The following PPAN variants were observed in gnomAD, a reference collection of about 807,000 sequenced individuals.
PPAN encodes suppressor of SWI4 1 homolog.
A neutral mutation model predicts 48.5 loss-of-function variants in PPAN; 39 were observed. That is an observed-to-expected ratio of 0.80 (90% CI 0.62 to 1.05). The LOEUF (loss-of-function observed/expected upper bound fraction) is 1.05. Ranked by LOEUF, PPAN falls within the 50% of genes least tolerant of loss-of-function variation. The pLI is 0.00. For missense variants in PPAN, 736 were observed against 661.7 expected, an observed-to-expected ratio of 1.11 and a Z score of -1.23; for synonymous variants, 315 against 268.6, an observed-to-expected ratio of 1.17 and a Z score of -1.69.
At chr19:10,107,263 CT>C (rs1157829509) in intron 2 of PPAN, among the ~76,000 whole-genome samples, 1 of 152,188 alleles carries the variant, frequency 6.6e-6, no homozygotes, top group African/African-American at 2.4e-5. Context: ...ATGCAAGTTA[CT>C]TAACCTCTCT....
At chr19:10,106,801 G>T in intron 2 of PPAN, 130 bp downstream of exon 2, 1 of 1,377,896 alleles carries the variant, frequency 7.3e-7, no homozygotes. Context: ...CCCTCATGGG[G>T]AGCATCATTT....
In PPAN at chr19:10,111,366, G is replaced by A. The variant is rs1052449990; in HGVS notation, c.*201G>A. The A allele has an allele frequency of 1.7e-5, 12 of 712,934 alleles. No individual in the cohort carries two copies. Among genetic ancestry groups the A allele is most frequent in the South Asian group, 1.2e-4 (6 of 51,158 alleles). The allele number at this position is 712,934 out of a possible 1,614,324, so 44.2% of individuals were successfully genotyped here. A position where few individuals can be genotyped will look rare whatever the true frequency, so the allele number is the denominator to read the frequency against. On this transcript the variant is annotated 3_prime_UTR_variant, in exon 12 of 12. Transcript: ENST00000253107. ...AAAGCAACCCAGAGAGTCCTGGGCC[G>A]GCCACACCCGAGAGTCCCTCCCACC... is the stretch of plus-strand genomic sequence containing the variant.
chr19:10,110,371 C>T lies in PPAN; in HGVS notation c.870C>T (p.Val290=), dbSNP rs376891727. ...AGCTCATCAAGGTCCAGGAGGGCGT[C>T]GGGGAGGGCAAAGTGATGTTCCACA... ...TLQLIKVQEG[V]GEGKVMFHSF... Residue 290 remains valine (V), a synonymous_variant, in exon 9 of 12, where the codon GTC becomes GTT. Coordinates refer to ENST00000253107, the MANE Select transcript of PPAN (RefSeq NM_020230.7). The surrounding 1 kb of genome is among the most constrained non-coding windows in gnomAD (Gnocchi z 5.9). 45 of 1,613,328 alleles carry T rather than the reference C, an allele frequency of 2.8e-5. No individual in the cohort carries two copies. The highest frequency in any genetic ancestry group is 1.6e-4 in the Middle Eastern group (1 of 6,080).
chr19:10,108,979 T>G (rs2088943380), intron 5 of PPAN, among the ~76,000 whole-genome samples: 1 of 151,082 alleles, frequency 6.6e-6, no homozygotes, highest in Admixed American at 6.6e-5. Flanking sequence ...TTTTTTTTTT[T>G]GAGACGGAGT....
rs749894394 is a variant in PPAN at position 10,111,003 on chromosome 19, G to A, written c.1260G>A (p.Lys420=). Residue 420 remains lysine (K), a synonymous_variant, in exon 12 of 12, where the codon AAG becomes AAA. Coordinates refer to ENST00000253107, the MANE Select transcript of PPAN (RefSeq NM_020230.7). ...CCAAGTCTCCAGGGCGGAAGCGGAA[G>A]CGGTGGGAAATGGATCGAGGCAGGG... is the stretch of plus-strand genomic sequence containing the variant. ...RLAKSPGRKR[K]RWEMDRGRGR... is the part of the protein sequence containing the mutation. The A allele has an allele frequency of 6.2e-6, 10 of 1,613,464 alleles. No individual in the cohort carries two copies. In the South Asian group the frequency reaches 7.7e-5, roughly 12 times the overall value.
chr19:10,111,073 C>G lies in PPAN; in HGVS notation c.1330C>G (p.Gln444Glu). Reference sequence around the variant, plus strand: ...GTTTCCCAAGACCAAGGACAAGTCCCAGGGAGCCCAGGCCAGGCGGGGGCC... The same window carrying G: ...GTTTCCCAAGACCAAGGACAAGTCCGAGGGAGCCCAGGCCAGGCGGGGGCC... ...QKFPKTKDKS[Q>E]GAQARRGPRG... The change falls in exon 12 of 12, where the codon CAG (glutamine) becomes GAG (glutamate). Residue 444 changes from glutamine to glutamate, a missense_variant. By Grantham distance (29) the Gln-to-Glu change is conservative. Transcript: ENST00000253107. The G allele has an allele frequency of 6.2e-7, 1 of 1,613,550 alleles. No individual in the cohort carries two copies. Among genetic ancestry groups the G allele is most frequent in the Non-Finnish European group, 8.5e-7 (1 of 1,179,958 alleles).
rs376540975 is a variant in PPAN at position 10,109,937 on chromosome 19, C to T, written c.615C>T (p.Gly205=). ...GTAGCATCAAAGTTGTTCCTGTGGG[C>T]GCGAGTCGCGGGATGAAGAAGCTGC... ...RHYSIKVVPV[G]ASRGMKKLLQ... is the part of the protein sequence containing the mutation. The change falls in exon 7 of 12, where the codon GGC becomes GGT. Residue 205 remains glycine (G), a synonymous_variant. Transcript: ENST00000253107. 15 of 1,614,072 alleles carry T rather than the reference C, an allele frequency of 9.3e-6. No homozygotes were observed. Among genetic ancestry groups the T allele is most frequent in the Non-Finnish European group, 1.2e-5 (14 of 1,179,952 alleles).
upstream of PPAN, chr19:10,106,325 A>AGGCGCCGGAAGTGAGCTGCGC (rs2088819181): frequency 6.5e-7 from 1 of 1,544,920 alleles, no homozygotes; most frequent in Admixed American, 2.0e-5. Context: ...GCCGGCTCTC[A>AGGCGCCGGAAGTGAGCTGCGC]GGCGCCGGAA....
Position 10,106,956 on chromosome 19 carries a change from G to C in PPAN, c.189+285G>C, listed in dbSNP as rs1036059820. The stretch of plus-strand genomic sequence containing the variant: ...ATTCCCAGCATTTGGGGATGCTGAT[G>C]CGGGAGGATCACTTGAGCCCAGGAA... On this transcript the variant is annotated intron_variant, in intron 2 of 11. Coordinates refer to ENST00000253107, the MANE Select transcript of PPAN (RefSeq NM_020230.7). 2.5e-5 allele frequency: 16 copies of C among 637,888 alleles called. No homozygotes were observed. In the African/African-American group the frequency reaches 2.9e-4, roughly 12 times the overall value. 39.5% of individuals were successfully genotyped at this position (637,888 alleles called of 1,614,324 possible). A position where few individuals can be genotyped will look rare whatever the true frequency, so the allele number is the denominator to read the frequency against.
intron 5 of PPAN, 149 bp downstream of exon 5, chr19:10,108,283 T>A: frequency 7.9e-7 from 1 of 1,260,364 alleles, no homozygotes; most frequent in South Asian, 1.6e-5. Context: ...CACTCCTGTG[T>A]CTGATGATGC....
At chr19:10,107,942 C>T (rs762883655) in intron 4 of PPAN, 22 bp from the exon 5 acceptor site, 3 of 1,597,932 alleles carry the variant, frequency 1.9e-6, no homozygotes, top group South Asian at 1.1e-5. Flanking sequence ...GTGGTCACCC[C>T]CTCCTCTCTC....
rs1030286556 is a variant in PPAN at position 10,111,648 on chromosome 19, A to G, written c.*483A>G. 6.7e-5 allele frequency: 106 copies of G among 1,591,780 alleles called. No individual in the cohort carries two copies. The highest frequency in any genetic ancestry group is 9.1e-5 in the Non-Finnish European group (106 of 1,161,366). ...TGGGGATGGGGCTGGGGCAGGGCCCACTAAGCCACTGGTGACTGGGGGAGG... is the reference window on the plus strand; with the variant it reads ...TGGGGATGGGGCTGGGGCAGGGCCCGCTAAGCCACTGGTGACTGGGGGAGG... On this transcript the variant is annotated 3_prime_UTR_variant, in exon 12 of 12. Transcript: ENST00000253107.
Position 10,111,306 on chromosome 19 carries a change from G to A in PPAN, c.*141G>A, listed in dbSNP as rs982420678. On this transcript the variant is annotated 3_prime_UTR_variant, in exon 12 of 12. Coordinates refer to ENST00000253107, the MANE Select transcript of PPAN (RefSeq NM_020230.7). ...AGAACTGAATTGGCCAGGGGTCCAC[G>A]TCAGCGTTTGGGATGGGGGATTCTG... The A allele has an allele frequency of 1.7e-5, 18 of 1,058,660 alleles. No individual in the cohort carries two copies. Among genetic ancestry groups the A allele is most frequent in the African/African-American group, 1.1e-4 (7 of 62,232 alleles). 65.6% of individuals were successfully genotyped at this position (1,058,660 alleles called of 1,614,324 possible). A position where few individuals can be genotyped will look rare whatever the true frequency, so the allele number is the denominator to read the frequency against.
In PPAN at chr19:10,107,826, G is replaced by GC; in HGVS notation, c.318dup (p.Thr107HisfsTer14). ...CAGAAGCTGATGCGCCTCCCAGGAG[G>GC]CCCCACCTTGACCTTCCAGGTCAAG... is the stretch of plus-strand genomic sequence containing the variant. On this transcript the variant is annotated frameshift_variant, in exon 4 of 12. Transcript: ENST00000253107. LOFTEE classifies it high-confidence loss of function. 1.2e-6 allele frequency: 2 copies of GC among 1,613,614 alleles called. No individual in the cohort carries two copies. Among genetic ancestry groups the GC allele is most frequent in the Non-Finnish European group, 1.7e-6 (2 of 1,179,654 alleles).
Position 10,106,597 on chromosome 19 carries a change from A to G in PPAN, c.115A>G (p.Thr39Ala), listed in dbSNP as rs781326420. Residue 39 changes from threonine (T) to alanine (A), a missense_variant, in exon 2 of 12, where the codon ACG becomes GCG. Coordinates refer to ENST00000253107, the MANE Select transcript of PPAN (RefSeq NM_020230.7). ...PHSFVFTRGC[T>A]GRNIRQLSLD... is the part of the protein sequence containing the mutation. ...CTCGTTCGTGTTCACGCGAGGCTGCACGGGTCGCAACATCCGGCAGCTCAG... is the reference window on the plus strand; with the variant it reads ...CTCGTTCGTGTTCACGCGAGGCTGCGCGGGTCGCAACATCCGGCAGCTCAG... 23 of 1,550,548 alleles carry G rather than the reference A, an allele frequency of 1.5e-5. No individual in the cohort carries two copies. The African/African-American group carries it at 2.9e-4, about 19-fold the overall frequency.
Position 10,110,825 on chromosome 19 carries a change from TC to T in PPAN, c.1161del (p.Ile387MetfsTer126). 6.2e-7 allele frequency: 1 copy of T among 1,613,870 alleles called. No homozygotes were observed. The highest frequency in any genetic ancestry group is 1.6e-4 in the Middle Eastern group (1 of 6,062). Reference sequence around the variant, plus strand: ...GATGATGAACAGGAAGATGATGACATCGAGTATTTCTGCCAGGCGGTGGGCG... The same window carrying T: ...GATGATGAACAGGAAGATGATGACATGAGTATTTCTGCCAGGCGGTGGGCG... ...EDDDEQEDDD[I>X]EYFCQAVGEA... is the part of the protein sequence containing the mutation. On this transcript the variant is annotated frameshift_variant, in exon 11 of 12. Coordinates refer to ENST00000253107, the MANE Select transcript of PPAN (RefSeq NM_020230.7). LOFTEE classifies it low-confidence loss of function (END_TRUNC). This position sits in a 1 kb window ranked among gnomAD's most constrained non-coding sequence, Gnocchi z 5.9.
At position 10,111,559 on chromosome 19, in the gene PPAN, A is replaced by T; in HGVS notation, c.*394A>T. 1 of 801,600 alleles carries T rather than the reference A, an allele frequency of 1.2e-6. No homozygotes were observed. The highest frequency in any genetic ancestry group is 2.1e-6 in the Non-Finnish European group (1 of 485,866). The allele number at this position is 801,600 out of a possible 1,614,324, so 49.7% of individuals were successfully genotyped here. A position where few individuals can be genotyped will look rare whatever the true frequency, so the allele number is the denominator to read the frequency against. On this transcript the variant is annotated 3_prime_UTR_variant, in exon 12 of 12. Coordinates refer to ENST00000253107, the MANE Select transcript of PPAN (RefSeq NM_020230.7). ...GCTTGAACCTCAGGAGGGTTGTGGC[A>T]CAATGAGGAAGGAAACGTGGGTGGA...
Position 10,110,479 on chromosome 19 carries a change from G to A in PPAN, c.902-6G>A. ...GGATCTTGGTGACCCGCGTCTCTTGGCTCAGTGAGCAAGACGGAGGAGGAG... is the reference window on the plus strand; with the variant it reads ...GGATCTTGGTGACCCGCGTCTCTTGACTCAGTGAGCAAGACGGAGGAGGAG... On this transcript the variant is annotated splice_region_variant and splice_polypyrimidine_tract_variant and intron_variant, in intron 9 of 11. Coordinates refer to ENST00000253107, the MANE Select transcript of PPAN (RefSeq NM_020230.7). This position sits in a 1 kb window ranked among gnomAD's most constrained non-coding sequence, Gnocchi z 5.9. The A allele has an allele frequency of 6.2e-7, 1 of 1,612,452 alleles. No homozygotes were observed.
Position 10,110,433 on chromosome 19 carries a change from C to G in PPAN, c.901+31C>G. ...GCCGGGGCCGCCGGGGGTGGGGGGT[C>G]ATGGGTGTGGAGCTGCACCCGGATC... On this transcript the variant is annotated intron_variant, in intron 9 of 11. Coordinates refer to ENST00000253107, the MANE Select transcript of PPAN (RefSeq NM_020230.7). The surrounding 1 kb of genome is among the most constrained non-coding windows in gnomAD (Gnocchi z 5.9). 6.2e-7 allele frequency: 1 copy of G among 1,612,164 alleles called. No homozygotes were observed.
Sources: gnomAD v4.1 joint callset for allele counts (sites outside exome capture counted in the v4.1 genomes callset) on GRCh38, gnomAD v4.1.1 for gene constraint, Gnocchi (gnomAD v3.1) non-coding constraint, MANE v1.5 for transcripts, NCBI Gene and HGNC (gene_info 2026-07-23, HGNC 2026-07-21) for gene names.